ZDHHC3: variants seen among roughly 807,000 people sequenced by gnomAD.
ZDHHC3 encodes zDHHC palmitoyltransferase 3, also known as palmitoyltransferase ZDHHC3.
A neutral mutation model predicts 30.6 loss-of-function variants in ZDHHC3; 9 were observed. The ratio of observed to expected loss-of-function variants is 0.29; its 90% CI spans 0.18 to 0.51. The LOEUF (loss-of-function observed/expected upper bound fraction) is 0.51, where lower values mean the gene tolerates loss of function less well. ZDHHC3 is among the 20% of genes least tolerant of loss of function. The pLI, the probability that ZDHHC3 is intolerant of heterozygous loss-of-function variation, is 0.97. For missense variants in ZDHHC3, 246 were observed against 384.2 expected (o/e 0.64, Z 3.01); for synonymous variants, 136 against 140.2 (o/e 0.97, Z 0.21).
chr3:44,927,406 G>A lies in ZDHHC3; in HGVS notation c.742-559C>T, dbSNP rs145570139. On this transcript the variant is annotated intron_variant, in intron 6 of 6. Transcript: ENST00000424952. ...GGCGTTGTGTGTCTCACCAGCCTGG[G>A]GGATCAAGCAGCACCCCGCTTAGTG... Among the ~76,000 whole-genome samples, 567 of 152,354 alleles carry A rather than the reference G, an allele frequency of 3.7e-3. 1 individual carries two copies. The highest frequency in any genetic ancestry group is 0.01 in the Middle Eastern group (3 of 294).
Position 44,919,036 on chromosome 3 carries a change from C to T in ZDHHC3, c.*7653G>A, listed in dbSNP as rs982908290. 3.1e-5 allele frequency: 31 copies of T among 985,336 alleles called. No individual in the cohort carries two copies. Among genetic ancestry groups the T allele is most frequent in the Non-Finnish European group, 3.6e-5 (30 of 829,932 alleles). 61.0% of individuals were successfully genotyped at this position (985,336 alleles called of 1,614,324 possible). On this transcript the variant is annotated 3_prime_UTR_variant, in exon 7 of 7. Coordinates refer to ENST00000424952, the MANE Select transcript of ZDHHC3 (RefSeq NM_001135179.2). ...CCTTCACATGACTCAAGAAAGATCTCTGTGTATCTAGCACTTTTTCTTCCC... is the reference window on the plus strand; with the variant it reads ...CCTTCACATGACTCAAGAAAGATCTTTGTGTATCTAGCACTTTTTCTTCCC...
chr3:44,969,299 T>A (rs1159450349), intron 1 of ZDHHC3, among the ~76,000 whole-genome samples: 1 of 152,080 alleles, frequency 6.6e-6, no homozygotes, highest in Non-Finnish European at 1.5e-5. Flanking sequence ...ACTTAAGGTG[T>A]CACCACTGCC....
chr3:44,926,983 T>C (rs1275224259), intron 6 of ZDHHC3, 136 bp from the exon 7 acceptor site: 1 of 1,218,328 alleles, frequency 8.2e-7, no homozygotes, highest in Non-Finnish European at 1.1e-6. Context: ...TAATATATCT[T>C]TCTCATAAAA....
chr3:44,954,032 G>T (rs1703703477), intron 2 of ZDHHC3, among the ~76,000 whole-genome samples: 1 of 152,202 alleles, frequency 6.6e-6, no homozygotes, highest in Non-Finnish European at 1.5e-5. Context: ...GCTCTGTAAG[G>T]CTGTTGAAAG....
At chr3:44,965,367 C>T (rs772359744) in intron 1 of ZDHHC3, among the ~76,000 whole-genome samples, 32 of 152,266 alleles carry the variant, frequency 2.1e-4, no homozygotes, top group Non-Finnish European at 3.8e-4. Context: ...GACTGGGTTG[C>T]TGAGTCAGCC....
At chr3:44,939,983 T>C (rs1702302954) in intron 3 of ZDHHC3, among the ~76,000 whole-genome samples, 1 of 152,148 alleles carries the variant, frequency 6.6e-6, no homozygotes, top group African/African-American at 2.4e-5. Flanking sequence ...CCCACGTGGC[T>C]GGAGGCACTG....
intron 3 of ZDHHC3, among the ~76,000 whole-genome samples, chr3:44,943,760 C>T (rs1038226481): frequency 3.3e-5 from 5 of 152,102 alleles, no homozygotes; most frequent in Non-Finnish European, 5.9e-5. Context: ...AATCCCAACA[C>T]TTTGGGAGGC....
intron 1 of ZDHHC3, among the ~76,000 whole-genome samples, chr3:44,973,514 A>G (rs1285630187): frequency 1.3e-5 from 2 of 151,986 alleles, no homozygotes; most frequent in Non-Finnish European, 2.9e-5. Flanking sequence ...GCTGGAGTGC[A>G]ATGGCGTGAT....
chr3:44,920,606 C>A lies in ZDHHC3; in HGVS notation c.*6083G>T. ...AGCTTGTTATGTATCAGAACTGGAA[C>A]CAGAACTAGTGTCTTTTTTTCTGCC... On this transcript the variant is annotated 3_prime_UTR_variant, in exon 7 of 7. Transcript: ENST00000424952. The A allele has an allele frequency of 4.1e-6, 4 of 985,422 alleles. No homozygotes were observed. The highest frequency in any genetic ancestry group is 4.8e-6 in the Non-Finnish European group (4 of 829,916). The allele number at this position is 985,422 out of a possible 1,614,324, so 61.0% of individuals were successfully genotyped here. A position where few individuals can be genotyped will look rare whatever the true frequency, so the allele number is the denominator to read the frequency against.
chr3:44,959,581 C>A lies in ZDHHC3; in HGVS notation c.-24-121G>T. ...CTGCAACCCCTGTGTGCAAAGCCACCTAATCACCTTGTTCATTTAAAACAT... is the reference window on the plus strand; with the variant it reads ...CTGCAACCCCTGTGTGCAAAGCCACATAATCACCTTGTTCATTTAAAACAT... On this transcript the variant is annotated intron_variant, in intron 1 of 6. Coordinates refer to ENST00000424952, the MANE Select transcript of ZDHHC3 (RefSeq NM_001135179.2). The surrounding 1 kb of genome is among the most constrained non-coding windows in gnomAD (Gnocchi z 4.3). 1 of 749,654 alleles carries A rather than the reference C, an allele frequency of 1.3e-6. No individual in the cohort carries two copies. Among genetic ancestry groups the A allele is most frequent in the East Asian group, 2.7e-5 (1 of 37,496 alleles). 46.4% of individuals were successfully genotyped at this position (749,654 alleles called of 1,614,324 possible). A position where few individuals can be genotyped will look rare whatever the true frequency, so the allele number is the denominator to read the frequency against.
chr3:44,917,831 C>A lies in ZDHHC3; in HGVS notation c.*8858G>T. 2 of 1,273,254 alleles carry A rather than the reference C, an allele frequency of 1.6e-6. No individual in the cohort carries two copies. Among genetic ancestry groups the A allele is most frequent in the Non-Finnish European group, 2.0e-6 (2 of 978,020 alleles). 78.9% of individuals were successfully genotyped at this position (1,273,254 alleles called of 1,614,324 possible). ...GCACCATGCCCATAAGCCCCTTTAG[C>A]CAAAACCCCAGGATGAAGGTTGACA... On this transcript the variant is annotated 3_prime_UTR_variant, in exon 7 of 7. Coordinates refer to ENST00000424952, the MANE Select transcript of ZDHHC3 (RefSeq NM_001135179.2).
At chr3:44,958,653 C>A (rs1464475073) in intron 2 of ZDHHC3, 1 of 1,536,162 alleles carries the variant, frequency 6.5e-7, no homozygotes, top group Non-Finnish European at 8.7e-7. Context: ...GCACCTCGCC[C>A]AAGCAAAGTG....
chr3:44,930,575 G>C (rs1279821890), intron 5 of ZDHHC3, among the ~76,000 whole-genome samples: 2 of 152,250 alleles, frequency 1.3e-5, no homozygotes, highest in Non-Finnish European at 2.9e-5. Context: ...AAGGGAGTAA[G>C]CACTCCATCC....
In ZDHHC3 at chr3:44,921,276, G is replaced by A. The variant is rs9848333; in HGVS notation, c.*5413C>T. 193 of 985,392 alleles carry A rather than the reference G, an allele frequency of 2.0e-4. 1 individual carries two copies. The African/African-American group carries it at 3.0e-3, about 15-fold the overall frequency. 61.0% of individuals were successfully genotyped at this position (985,392 alleles called of 1,614,324 possible). ...CAGACTCAGCTGAGCCCCACAGAAC[G>A]AGAACAGGCTGTTCCCTGCTCCCTG... On this transcript the variant is annotated 3_prime_UTR_variant, in exon 7 of 7. Coordinates refer to ENST00000424952, the MANE Select transcript of ZDHHC3 (RefSeq NM_001135179.2).
chr3:44,922,464 C>A lies in ZDHHC3; in HGVS notation c.*4225G>T, dbSNP rs1700661419. On this transcript the variant is annotated 3_prime_UTR_variant, in exon 7 of 7. Coordinates refer to ENST00000424952, the MANE Select transcript of ZDHHC3 (RefSeq NM_001135179.2). ...TTTGGATCTGCTTCATACAGACTTT[C>A]TTTGATGTCTTGGCAGTTGTTTGTT... 2.0e-6 allele frequency: 2 copies of A among 985,308 alleles called. No homozygotes were observed. The highest frequency in any genetic ancestry group is 9.4e-5 in the South Asian group (2 of 21,288). The allele number at this position is 985,308 out of a possible 1,614,324, so 61.0% of individuals were successfully genotyped here.
In ZDHHC3 at chr3:44,922,448, G is replaced by A; in HGVS notation, c.*4241C>T. 1 of 985,458 alleles carries A rather than the reference G, an allele frequency of 1.0e-6. No homozygotes were observed. The highest frequency in any genetic ancestry group is 1.2e-6 in the Non-Finnish European group (1 of 829,940). The allele number at this position is 985,458 out of a possible 1,614,324, so 61.0% of individuals were successfully genotyped here. On this transcript the variant is annotated 3_prime_UTR_variant, in exon 7 of 7. Transcript: ENST00000424952. ...GTGGGCAGGCTAATAATTTGGATCT[G>A]CTTCATACAGACTTTCTTTGATGTC...
chr3:44,969,004 C>G (rs1163707327), intron 1 of ZDHHC3, among the ~76,000 whole-genome samples: 1 of 152,218 alleles, frequency 6.6e-6, no homozygotes, highest in Non-Finnish European at 1.5e-5. Context: ...AATTGCTACG[C>G]TGCCATCTCC....
intron 1 of ZDHHC3, among the ~76,000 whole-genome samples, chr3:44,964,062 T>C (rs749774964): frequency 6.6e-6 from 1 of 152,202 alleles, no homozygotes; most frequent in Non-Finnish European, 1.5e-5. Flanking sequence ...CCTGCAAGTC[T>C]CATTTTATTT....
At position 44,933,833 on chromosome 3, in the gene ZDHHC3, A is replaced by G; in HGVS notation, c.528+55T>C. ...GTGAATGCTGAGAATTTTCAAAGGAACAAAGTGCTCCATTGCTTCATGGGG... is the reference window on the plus strand; with the variant it reads ...GTGAATGCTGAGAATTTTCAAAGGAGCAAAGTGCTCCATTGCTTCATGGGG... On this transcript the variant is annotated intron_variant, in intron 4 of 6. Coordinates refer to ENST00000424952, the MANE Select transcript of ZDHHC3 (RefSeq NM_001135179.2). 2.7e-6 allele frequency: 4 copies of G among 1,501,418 alleles called. No homozygotes were observed. In the South Asian group the frequency reaches 4.5e-5, roughly 17 times the overall value. 93.0% of individuals were successfully genotyped at this position (1,501,418 alleles called of 1,614,324 possible). A position where few individuals can be genotyped will look rare whatever the true frequency, so the allele number is the denominator to read the frequency against.
Sources: gnomAD v4.1 joint callset for allele counts (sites outside exome capture counted in the v4.1 genomes callset) on GRCh38, gnomAD v4.1.1 for gene constraint, Gnocchi (gnomAD v3.1) non-coding constraint, MANE v1.5 for transcripts, NCBI Gene and HGNC (gene_info 2026-07-23, HGNC 2026-07-21) for gene names.